EYS: variants seen among roughly 807,000 people sequenced by gnomAD.
The protein encoded by EYS is protein eyes shut homolog.
Under a neutral mutation model 282.1 loss-of-function variants are expected in EYS, and 250 were observed. The observed-to-expected ratio is 0.89, with a 90% CI of 0.80 to 0.98. The LOEUF (loss-of-function observed/expected upper bound fraction) is 0.98. EYS is among the 50% of genes least tolerant of loss of function. The pLI is 0.00. For missense variants in EYS, 4,016 were observed against 3,709.0 expected (o/e 1.08, Z -2.15); for synonymous variants, 1,355 against 1,282.9 (o/e 1.06, Z -1.20).
chr6:65,420,050 C>T (rs1767395742), intron 5 of EYS, among the ~76,000 whole-genome samples: 1 of 151,956 alleles, frequency 6.6e-6, no homozygotes, highest in Non-Finnish European at 1.5e-5. Context: ...GAATTCTTTC[C>T]TCAATGTTCA....
chr6:63,860,567 C>T (rs72890149), intron 36 of EYS, among the ~76,000 whole-genome samples: 17,730 of 152,266 alleles, frequency 0.12, 1,267 homozygotes, highest in African/African-American at 0.19. Context: ...AGTGAAATCA[C>T]GCACAAGTTG....
chr6:64,957,006 A>G (rs1311415795), intron 14 of EYS, among the ~76,000 whole-genome samples: 3 of 152,196 alleles, frequency 2.0e-5, no homozygotes, highest in African/African-American at 7.2e-5. Flanking sequence ...ACTATGGAAA[A>G]CAATTTGAGG....
At chr6:63,921,297 T>C (rs933503136) in intron 35 of EYS, among the ~76,000 whole-genome samples, 1 of 152,204 alleles carries the variant, frequency 6.6e-6, no homozygotes, top group Non-Finnish European at 1.5e-5. Context: ...TCGAAAAATA[T>C]GAAGAGTTAA....
At chr6:63,961,707 G>T (rs1008613774) in intron 35 of EYS, among the ~76,000 whole-genome samples, 2 of 152,134 alleles carry the variant, frequency 1.3e-5, no homozygotes, top group Non-Finnish European at 2.9e-5. Flanking sequence ...TATAGGGGAA[G>T]GACACTAATC....
intron 33 of EYS, among the ~76,000 whole-genome samples, chr6:64,015,171 A>G (rs73762532): frequency 0.041 from 6,310 of 152,260 alleles, 425 homozygotes; most frequent in African/African-American, 0.14. Flanking sequence ...CACTCTTACA[A>G]TAGAGATAAT....
intron 22 of EYS, among the ~76,000 whole-genome samples, chr6:64,679,981 A>C (rs1769840050): frequency 6.6e-6 from 1 of 152,142 alleles, no homozygotes; most frequent in African/African-American, 2.4e-5. Context: ...TCCAGGCCAA[A>C]TTTTTACATA....
intron 12 of EYS, among the ~76,000 whole-genome samples, chr6:65,234,244 G>A (rs1766864222): frequency 6.6e-6 from 1 of 152,188 alleles, no homozygotes; most frequent in African/African-American, 2.4e-5. Flanking sequence ...AGAGCTGGGT[G>A]GAGGGAACCA....
At chr6:65,065,579 GT>G (rs1773721759) in intron 12 of EYS, among the ~76,000 whole-genome samples, 1 of 151,652 alleles carries the variant, frequency 6.6e-6, no homozygotes, top group Admixed American at 6.6e-5. Flanking sequence ...TAGAGACGGG[GT>G]TTCACAGCAT....
intron 15 of EYS, among the ~76,000 whole-genome samples, chr6:64,934,619 C>T (rs1016735958): frequency 6.6e-6 from 1 of 150,758 alleles, no homozygotes; most frequent in Non-Finnish European, 1.5e-5. Context: ...ATTTGAAGTG[C>T]TAAAAGAAAA....
At chr6:65,534,687 T>G (rs918579564) in intron 2 of EYS, among the ~76,000 whole-genome samples, 7 of 152,236 alleles carry the variant, frequency 4.6e-5, no homozygotes, top group South Asian at 2.1e-4. Context: ...AGTTAGCTTA[T>G]CTACAGCTTC....
intron 19 of EYS, among the ~76,000 whole-genome samples, chr6:64,830,653 C>T (rs1286974077): frequency 6.6e-6 from 1 of 151,916 alleles, no homozygotes; most frequent in African/African-American, 2.4e-5. Flanking sequence ...AATTGGAGTT[C>T]TTCCCAGTAA....
chr6:65,106,273 T>A (rs980648282), intron 12 of EYS, among the ~76,000 whole-genome samples: 7 of 151,986 alleles, frequency 4.6e-5, no homozygotes, highest in African/African-American at 1.4e-4. Flanking sequence ...ATAGACACAA[T>A]ACATATATTA....
chr6:65,012,177 G>A (rs940716910), intron 13 of EYS, among the ~76,000 whole-genome samples: 7 of 152,120 alleles, frequency 4.6e-5, no homozygotes, highest in South Asian at 2.1e-4. Context: ...CTCAGAAAAT[G>A]TAATTATATA....
chr6:63,760,652 C>G (rs78799068), intron 41 of EYS, among the ~76,000 whole-genome samples: 232 of 7,646 alleles, frequency 0.03, 2 homozygotes, highest in African/African-American at 0.084. Flanking sequence ...GTATGTATAT[C>G]TATCTATCTA....
chr6:64,385,017 T>A (rs1361652322), intron 29 of EYS, among the ~76,000 whole-genome samples: 1 of 152,170 alleles, frequency 6.6e-6, no homozygotes. Context: ...ACTATAGTTC[T>A]TTTCCTTAGT....
intron 31 of EYS, among the ~76,000 whole-genome samples, chr6:64,101,858 T>C (rs1452404126): frequency 6.6e-6 from 1 of 151,962 alleles, no homozygotes; most frequent in Non-Finnish European, 1.5e-5. Context: ...TTCCTGCAAC[T>C]AGATGGTCCC....
chr6:64,520,037 A>G (rs1481567838), intron 26 of EYS, among the ~76,000 whole-genome samples: 1 of 151,812 alleles, frequency 6.6e-6, no homozygotes, highest in Non-Finnish European at 1.5e-5. Context: ...TCTGGACCCA[A>G]TAGGAAACTC....
chr6:65,280,228 A>G (rs917320982), intron 12 of EYS, among the ~76,000 whole-genome samples: 1 of 152,156 alleles, frequency 6.6e-6, no homozygotes, highest in African/African-American at 2.4e-5. Flanking sequence ...ACAATGACTC[A>G]TTAGTCAACA....
chr6:64,418,547 T>C (rs1440160902), intron 28 of EYS, among the ~76,000 whole-genome samples: 1 of 152,214 alleles, frequency 6.6e-6, no homozygotes, highest in Non-Finnish European at 1.5e-5. Flanking sequence ...TCTACGTGAT[T>C]ACCTGCACCA....
Sources: allele counts gnomAD v4.1 joint callset (sites outside exome capture counted in the v4.1 genomes callset), GRCh38; gene constraint gnomAD v4.1.1; transcripts MANE v1.5; gene names NCBI Gene and HGNC (gene_info 2026-07-23, HGNC 2026-07-21).